The following SPAG16 variants were observed in gnomAD, a reference collection of about 807,000 sequenced individuals.
The protein encoded by SPAG16 is sperm-associated antigen 16 protein.
A neutral mutation model predicts 80.4 loss-of-function variants in SPAG16; 86 were observed. That is an observed-to-expected ratio of 1.07 (90% CI 0.90 to 1.28). The LOEUF (loss-of-function observed/expected upper bound fraction) is 1.28, where lower values mean the gene tolerates loss of function less well. Ranked by LOEUF, SPAG16 falls within the 50% of genes most tolerant of loss-of-function variation. SPAG16 has a pLI of 0.00. For missense variants in SPAG16, 870 were observed against 765.3 expected (o/e 1.14, Z -1.61); for synonymous variants, 294 against 265.9 (o/e 1.11, Z -1.03).
intron 12 of SPAG16, among the ~76,000 whole-genome samples, chr2:213,970,890 G>C (rs1288942539): frequency 6.6e-6 from 1 of 152,064 alleles, no homozygotes; most frequent in Non-Finnish European, 1.5e-5. Context: ...TGACAGAACA[G>C]GTCTAATTTT....
chr2:213,803,859 T>A (rs1041880608), intron 10 of SPAG16, among the ~76,000 whole-genome samples: 1 of 152,220 alleles, frequency 6.6e-6, no homozygotes, highest in Non-Finnish European at 1.5e-5. Flanking sequence ...CACCTCAGTA[T>A]ATACAAAAAT....
intron 10 of SPAG16, among the ~76,000 whole-genome samples, chr2:213,504,740 G>A (rs1211285761): frequency 6.6e-6 from 1 of 152,224 alleles, no homozygotes; most frequent in African/African-American, 2.4e-5. Context: ...AGAAAATATG[G>A]TGGAAAATGG....
chr2:213,540,215 A>AT (rs71060438), intron 10 of SPAG16, among the ~76,000 whole-genome samples: 52,143 of 149,674 alleles, frequency 0.35, 9,263 homozygotes, highest in Middle Eastern at 0.47. Context: ...TTATTTTTTT[A>AT]TTTTTTTTGT....
At chr2:213,641,543 C>T (rs1033734151) in intron 10 of SPAG16, among the ~76,000 whole-genome samples, 11 of 152,316 alleles carry the variant, frequency 7.2e-5, no homozygotes, top group Admixed American at 1.3e-4. Flanking sequence ...CCACTGGCTG[C>T]GTTCCCCAAA....
At chr2:213,441,423 C>G (rs189007753) in intron 9 of SPAG16, among the ~76,000 whole-genome samples, 1 of 152,206 alleles carries the variant, frequency 6.6e-6, no homozygotes, top group Admixed American at 6.5e-5. Context: ...CTATATATTT[C>G]AAAAATGGAA....
At chr2:213,662,917 T>C (rs2063477492) in intron 10 of SPAG16, among the ~76,000 whole-genome samples, 1 of 152,096 alleles carries the variant, frequency 6.6e-6, no homozygotes, top group African/African-American at 2.4e-5. Flanking sequence ...TACGATTCAA[T>C]ATTCCAAGAG....
At chr2:213,872,148 T>A (rs2105990393) in intron 11 of SPAG16, among the ~76,000 whole-genome samples, 1 of 152,260 alleles carries the variant, frequency 6.6e-6, no homozygotes, top group Middle Eastern at 3.4e-3. Context: ...TGACCCACTG[T>A]AATCACAAAG....
At chr2:213,398,411 CCTCT>C (rs930608961) in intron 9 of SPAG16, among the ~76,000 whole-genome samples, 61 of 152,234 alleles carry the variant, frequency 4.0e-4, no homozygotes, top group African/African-American at 1.4e-3. Flanking sequence ...ATCCCTTTTA[CCTCT>C]CTGACATTAT....
At chr2:214,336,436 A>C (rs1368987588) in intron 15 of SPAG16, among the ~76,000 whole-genome samples, 1 of 152,210 alleles carries the variant, frequency 6.6e-6, no homozygotes, top group East Asian at 1.9e-4. Flanking sequence ...ACTAAGTAAC[A>C]CAAGTATAGA....
intron 1 of SPAG16, among the ~76,000 whole-genome samples, chr2:213,291,730 T>C (rs1024889526): frequency 2.6e-5 from 4 of 152,228 alleles, no homozygotes; most frequent in African/African-American, 9.6e-5. Context: ...GAAACAGTAC[T>C]ATGTAGCAGC....
At chr2:213,899,234 G>A (rs1485202899) in intron 11 of SPAG16, among the ~76,000 whole-genome samples, 1 of 152,004 alleles carries the variant, frequency 6.6e-6, no homozygotes, top group South Asian at 2.1e-4. Flanking sequence ...GGAGATGAAC[G>A]GAGTGTCTTT....
At chr2:213,796,657 T>C (rs2071050765) in intron 10 of SPAG16, among the ~76,000 whole-genome samples, 1 of 152,160 alleles carries the variant, frequency 6.6e-6, no homozygotes, top group Admixed American at 6.5e-5. Context: ...GCATTACTTA[T>C]GTGTTAGTGG....
chr2:214,349,412 G>C (rs1698263514), intron 15 of SPAG16, among the ~76,000 whole-genome samples: 1 of 152,178 alleles, frequency 6.6e-6, no homozygotes, highest in South Asian at 2.1e-4. Context: ...ATTAATCCAT[G>C]TTGTTGAAGT....
intron 1 of SPAG16, among the ~76,000 whole-genome samples, chr2:213,288,471 A>ATTT (rs11459677): frequency 7.8e-4 from 112 of 143,080 alleles, no homozygotes; most frequent in African/African-American, 2.8e-3. Flanking sequence ...CACCTGGCTA[A>ATTT]TTTTTTTTTT....
At chr2:213,350,406 T>C in intron 6 of SPAG16, 122 bp from the exon 7 acceptor site, 1 of 544,560 alleles carries the variant, frequency 1.8e-6, no homozygotes, top group Non-Finnish European at 3.2e-6. Context: ...TTAACCTTTA[T>C]ATGATTATTC....
At chr2:213,437,104 G>A (rs1480753894) in intron 9 of SPAG16, among the ~76,000 whole-genome samples, 2 of 151,998 alleles carry the variant, frequency 1.3e-5, no homozygotes, top group African/African-American at 4.8e-5. Flanking sequence ...GCAGAGACAG[G>A]GTTTCACCGT....
chr2:213,652,100 C>G (rs550496325), intron 10 of SPAG16, among the ~76,000 whole-genome samples: 2 of 152,072 alleles, frequency 1.3e-5, no homozygotes, highest in African/African-American at 2.4e-5. Context: ...CTGGATATAG[C>G]CTAAAATCAA....
intron 11 of SPAG16, among the ~76,000 whole-genome samples, chr2:213,876,139 T>G (rs543841139): frequency 2.0e-5 from 3 of 152,070 alleles, no homozygotes; most frequent in Non-Finnish European, 2.9e-5. Context: ...TTTCCAACTA[T>G]AAGCAAATGC....
At chr2:214,293,002 C>T (rs544188508) in intron 15 of SPAG16, among the ~76,000 whole-genome samples, 1 of 152,072 alleles carries the variant, frequency 6.6e-6, no homozygotes, top group Non-Finnish European at 1.5e-5. Context: ...TTACTGGGGA[C>T]GAGGATGCTG....
Sources: allele counts gnomAD v4.1 joint callset (sites outside exome capture counted in the v4.1 genomes callset), GRCh38; gene constraint gnomAD v4.1.1; transcripts MANE v1.5; gene names NCBI Gene and HGNC (gene_info 2026-07-23, HGNC 2026-07-21).